Variants in CD2AP observed in about 807,000 individuals in gnomAD.
CD2AP encodes the protein CD2 associated protein.
In CD2AP, 46 loss-of-function variants were observed where a neutral mutation model predicts 85.1. That is an observed-to-expected ratio of 0.54 (90% confidence interval 0.43 to 0.69). The LOEUF (loss-of-function observed/expected upper bound fraction) is 0.69. Among genes scored for constraint, CD2AP ranks in the 30% least tolerant of loss-of-function variants. CD2AP has a pLI of 0.00. For missense variants in CD2AP, 769 were observed against 729.5 expected, an observed-to-expected ratio of 1.05 and a Z score of -0.62; for synonymous variants, 255 against 252.9, an observed-to-expected ratio of 1.01 and a Z score of -0.08.
At chr6:47,585,415 AT>A (rs528882658) in intron 11 of CD2AP, among the ~76,000 whole-genome samples, 105 of 152,324 alleles carry the variant, frequency 6.9e-4, no homozygotes, top group African/African-American at 2.5e-3. Context: ...CAACTGGAAA[AT>A]TGGACAAAAT....
At chr6:47,512,740 A>G (rs552697169) in intron 2 of CD2AP, among the ~76,000 whole-genome samples, 1 of 152,330 alleles carries the variant, frequency 6.6e-6, no homozygotes, top group Admixed American at 6.5e-5. Flanking sequence ...TACAGATGAG[A>G]TTGAGTTCTC....
At chr6:47,569,327 A>T (rs553787043) in intron 5 of CD2AP, among the ~76,000 whole-genome samples, 1 of 152,198 alleles carries the variant, frequency 6.6e-6, no homozygotes, top group South Asian at 2.1e-4. Flanking sequence ...GGCTATTATG[A>T]TTAGTCTCAA....
In CD2AP at chr6:47,484,363, T is replaced by G. The variant is rs111301279; in HGVS notation, c.4+6115T>G. Among the ~76,000 whole-genome samples the G allele has an allele frequency of 1.9e-3, 289 of 152,118 alleles. 1 individual carries two copies. Among genetic ancestry groups the G allele is most frequent in the African/African-American group, 6.7e-3 (278 of 41,500 alleles). On this transcript the variant is annotated intron_variant, in intron 1 of 17. Transcript: ENST00000359314. The stretch of plus-strand genomic sequence containing the variant: ...CTTGATATTACCTCTTTTTTTTTTT[T>G]TTGTTATGTTTTGGTTTTTGTTTCT...
At chr6:47,614,060 T>C (rs1285746124) in intron 17 of CD2AP, among the ~76,000 whole-genome samples, 3 of 152,242 alleles carry the variant, frequency 2.0e-5, no homozygotes, top group Non-Finnish European at 4.4e-5. Flanking sequence ...GATTAGGCTT[T>C]GGCTTAAGGA....
chr6:47,481,317 A>G lies in CD2AP; in HGVS notation c.4+3069A>G, dbSNP rs182406139. On this transcript the variant is annotated intron_variant, in intron 1 of 17. Coordinates refer to ENST00000359314, the MANE Select transcript of CD2AP (RefSeq NM_012120.3). Reference sequence around the variant, plus strand: ...TATTTTATAGGCTCTCGTATATAAAACATATCAGTCATGTGGTGGTGTTTT... The same window carrying G: ...TATTTTATAGGCTCTCGTATATAAAGCATATCAGTCATGTGGTGGTGTTTT... Among the ~76,000 whole-genome samples the G allele has an allele frequency of 2.5e-3, 381 of 152,230 alleles. 1 individual carries two copies. Among genetic ancestry groups the G allele is most frequent in the African/African-American group, 8.5e-3 (351 of 41,526 alleles).
chr6:47,611,718 C>A (rs1307655235), intron 16 of CD2AP, among the ~76,000 whole-genome samples: 1 of 151,880 alleles, frequency 6.6e-6, no homozygotes, highest in Non-Finnish European at 1.5e-5. Flanking sequence ...GATATACTAA[C>A]ATATTCCTCC....
At chr6:47,503,220 A>G (rs1257211664) in intron 1 of CD2AP, 60 bp from the exon 2 acceptor site, 1 of 1,437,132 alleles carries the variant, frequency 7.0e-7, no homozygotes, top group Non-Finnish European at 9.8e-7. Context: ...ATTTATTAAT[A>G]TAGTTTACAG....
Position 47,606,296 on chromosome 6 carries a change from C to T in CD2AP, c.1530+19C>T, listed in dbSNP as rs372885089. ...ACATTCTGTGAGTTCATCTAATTGT[C>T]GTAAACTACAGTATATTTAGCAAAT... is the stretch of plus-strand genomic sequence containing the variant. On this transcript the variant is annotated intron_variant, in intron 14 of 17. Transcript: ENST00000359314. 8 of 1,315,140 alleles carry T rather than the reference C, an allele frequency of 6.1e-6. No homozygotes were observed. The highest frequency in any genetic ancestry group is 2.3e-5 in the East Asian group (1 of 43,402). The allele number at this position is 1,315,140 out of a possible 1,614,324, so 81.5% of individuals were successfully genotyped here.
chr6:47,588,335 C>T (rs990270063), intron 11 of CD2AP, among the ~76,000 whole-genome samples: 28 of 152,090 alleles, frequency 1.8e-4, no homozygotes, highest in African/African-American at 4.6e-4. Context: ...GTATAGATAC[C>T]TGTACCTTAC....
intron 1 of CD2AP, among the ~76,000 whole-genome samples, chr6:47,484,473 A>G (rs916740084): frequency 6.6e-6 from 1 of 151,886 alleles, no homozygotes; most frequent in Non-Finnish European, 1.5e-5. Context: ...CATATTTACT[A>G]ATTGTTTGCA....
At chr6:47,546,873 A>AGAAATTTGTTGTT (rs1767377742) in intron 4 of CD2AP, among the ~76,000 whole-genome samples, 1 of 152,188 alleles carries the variant, frequency 6.6e-6, no homozygotes, top group Non-Finnish European at 1.5e-5. Flanking sequence ...TTCTATCTTG[A>AGAAATTTGTTGTT]GCCTCCTCAA....
At chr6:47,484,194 T>C (rs1765512036) in intron 1 of CD2AP, among the ~76,000 whole-genome samples, 1 of 152,190 alleles carries the variant, frequency 6.6e-6, no homozygotes, top group African/African-American at 2.4e-5. Context: ...ACATTTATTA[T>C]GTCTCTTAAA....
chr6:47,621,538 CAG>C (rs1167469663), intron 17 of CD2AP, among the ~76,000 whole-genome samples: 1 of 152,130 alleles, frequency 6.6e-6, no homozygotes, highest in Non-Finnish European at 1.5e-5. Context: ...GTTTTGGTAT[CAG>C]GGTGATGCTG....
intron 2 of CD2AP, among the ~76,000 whole-genome samples, chr6:47,506,922 G>T (rs1238405443): frequency 5.9e-5 from 9 of 152,204 alleles, no homozygotes; most frequent in African/African-American, 1.9e-4. Flanking sequence ...TTTAGTGAAA[G>T]ATTTCCCTGT....
At chr6:47,595,800 G>A (rs1768923787) in intron 11 of CD2AP, 61 bp from the exon 12 acceptor site, 1 of 1,476,710 alleles carries the variant, frequency 6.8e-7, no homozygotes, top group South Asian at 1.2e-5. Context: ...CAAACTTTTG[G>A]AAATAGAAAA....
chr6:47,593,482 A>G (rs964037684), intron 11 of CD2AP, among the ~76,000 whole-genome samples: 3 of 152,136 alleles, frequency 2.0e-5, no homozygotes, highest in Admixed American at 6.6e-5. Context: ...GTTTATAAGC[A>G]TGCTTGTTAT....
At chr6:47,615,632 A>G (rs1470622978) in intron 17 of CD2AP, among the ~76,000 whole-genome samples, 1 of 152,074 alleles carries the variant, frequency 6.6e-6, no homozygotes, top group East Asian at 1.9e-4. Context: ...GATCATCTAA[A>G]CACCCCATGA....
chr6:47,585,669 T>A (rs1416608868), intron 11 of CD2AP, among the ~76,000 whole-genome samples: 1 of 152,068 alleles, frequency 6.6e-6, no homozygotes, highest in Admixed American at 6.6e-5. Flanking sequence ...GCACAGCGAG[T>A]ACTCAGATCT....
At chr6:47,535,957 A>G (rs981611604) in intron 3 of CD2AP, among the ~76,000 whole-genome samples, 1 of 152,350 alleles carries the variant, frequency 6.6e-6, no homozygotes, top group Admixed American at 6.5e-5. Flanking sequence ...CTCTTCTAAT[A>G]GGAAAGGATA....
Sources: gnomAD v4.1 joint callset for allele counts (sites outside exome capture counted in the v4.1 genomes callset) on GRCh38, gnomAD v4.1.1 for gene constraint, MANE v1.5 for transcripts, NCBI Gene and HGNC (gene_info 2026-07-23, HGNC 2026-07-21) for gene names.